The following TSGA10 variants were observed in gnomAD, a reference collection of about 807,000 sequenced individuals.
TSGA10 encodes the protein testis specific 10.
Under a neutral mutation model 96.6 loss-of-function variants are expected in TSGA10, and 43 were observed. The observed-to-expected ratio is 0.44, with a 90% CI of 0.35 to 0.57. The LOEUF is 0.57. Ranked by LOEUF, TSGA10 falls within the 20% of genes least tolerant of loss-of-function variation. The probability of loss-of-function intolerance (pLI) is 0.01; values close to 1 mark genes in which losing one functional copy is unlikely to be tolerated. For synonymous variants in TSGA10, 229 were observed against 269.9 expected (o/e 0.85, Z 1.48); for missense variants, 703 against 834.4 (o/e 0.84, Z 1.94).
chr2:99,107,653 A>G (rs1250304177), intron 7 of TSGA10, among the ~76,000 whole-genome samples: 1 of 152,180 alleles, frequency 6.6e-6, no homozygotes, highest in Non-Finnish European at 1.5e-5. Context: ...ATATCAAAAG[A>G]GTATTTTAAA....
chr2:99,147,844 C>T (rs1341707219), intron 1 of TSGA10, among the ~76,000 whole-genome samples: 1 of 152,182 alleles, frequency 6.6e-6, no homozygotes, highest in East Asian at 1.9e-4. Context: ...GTTGCAGATA[C>T]AATTCTTCAC....
rs1574500544 is a variant in TSGA10, at chr2:99,117,557, A to G, written c.-153T>C. The stretch of plus-strand genomic sequence containing the variant: ...TAAATCTGGTACCTTGGCTTCTTCA[A>G]GTTCCTTGTTGGCGGAATCCACCAC... On this transcript the variant is annotated 5_prime_UTR_variant, in exon 4 of 21. Transcript: ENST00000393483. 2.0e-6 allele frequency: 2 copies of G among 985,876 alleles called. No homozygotes were observed. The highest frequency in any genetic ancestry group is 2.3e-4 in the East Asian group (2 of 8,814). The allele number at this position is 985,876 out of a possible 1,614,324, so 61.1% of individuals were successfully genotyped here.
rs1304475009 is a variant in TSGA10 at position 99,071,826 on chromosome 2, C to T, written c.987G>A (p.Met329Ile). Residue 329 changes from methionine to isoleucine, a missense_variant, in exon 14 of 21, where the codon ATG (methionine) becomes ATA (isoleucine). Transcript: ENST00000393483. ...LIVCEQDVSR[M>I]RRQLDETNDE... ...CATTTGTCTCATCCAATTGCCGACGCATTCTGGAAACGTCTTGTTCACACA... is the reference window on the plus strand; with the variant it reads ...CATTTGTCTCATCCAATTGCCGACGTATTCTGGAAACGTCTTGTTCACACA... The T allele has an allele frequency of 6.2e-7, 1 of 1,614,044 alleles. No individual in the cohort carries two copies. The highest frequency in any genetic ancestry group is 8.5e-7 in the Non-Finnish European group (1 of 1,179,924).
chr2:99,039,640 C>T (rs2082006739), intron 16 of TSGA10, among the ~76,000 whole-genome samples: 1 of 151,816 alleles, frequency 6.6e-6, no homozygotes, highest in African/African-American at 2.4e-5. Flanking sequence ...AAAAAACTGC[C>T]TGCCAATGAA....
At chr2:99,048,549 C>T (rs903260547) in intron 16 of TSGA10, among the ~76,000 whole-genome samples, 14 of 152,166 alleles carry the variant, frequency 9.2e-5, no homozygotes, top group Non-Finnish European at 2.1e-4. Context: ...TGAAACTGGA[C>T]CCCTTCCTTA....
At chr2:99,142,883 A>G (rs2093585884) in intron 1 of TSGA10, among the ~76,000 whole-genome samples, 1 of 152,152 alleles carries the variant, frequency 6.6e-6, no homozygotes, top group Admixed American at 6.5e-5. Flanking sequence ...AGGAAGTAGG[A>G]AAGTACTTCC....
intron 20 of TSGA10, among the ~76,000 whole-genome samples, chr2:98,999,283 C>A (rs1461027141): frequency 6.6e-6 from 1 of 152,180 alleles, no homozygotes; most frequent in South Asian, 2.1e-4. Flanking sequence ...GTGACAACTA[C>A]TAATACATGC....
At chr2:99,096,211 T>A (rs2090017084) in intron 10 of TSGA10, among the ~76,000 whole-genome samples, 1 of 152,248 alleles carries the variant, frequency 6.6e-6, no homozygotes, top group Admixed American at 6.5e-5. Flanking sequence ...TGTTTTATTC[T>A]TTATAAAAAG....
intron 4 of TSGA10, among the ~76,000 whole-genome samples, chr2:99,114,612 T>C (rs1226604220): frequency 6.6e-6 from 1 of 152,162 alleles, no homozygotes; most frequent in Non-Finnish European, 1.5e-5. Context: ...TTTCTAGAAA[T>C]ACTCTTTGCC....
intron 17 of TSGA10, among the ~76,000 whole-genome samples, chr2:99,022,994 C>A (rs1223005523): frequency 6.6e-6 from 1 of 151,952 alleles, no homozygotes; most frequent in Admixed American, 6.6e-5. Context: ...CTATTAATAT[C>A]CTTTGCCTAA....
At chr2:99,119,284 T>G (rs2092448567) in intron 2 of TSGA10, among the ~76,000 whole-genome samples, 1 of 152,214 alleles carries the variant, frequency 6.6e-6, no homozygotes, top group Non-Finnish European at 1.5e-5. Context: ...ATTATTTTAA[T>G]CCAGTGTCTC....
chr2:99,140,433 A>C (rs1161778810), intron 1 of TSGA10, among the ~76,000 whole-genome samples: 2 of 152,156 alleles, frequency 1.3e-5, no homozygotes, highest in African/African-American at 4.8e-5. Context: ...GAATGGAAGA[A>C]GGAAAACGTT....
intron 16 of TSGA10, among the ~76,000 whole-genome samples, chr2:99,041,523 A>T (rs2082178920): frequency 6.6e-6 from 1 of 152,226 alleles, no homozygotes; most frequent in African/African-American, 2.4e-5. Flanking sequence ...ACAGAAATAA[A>T]GCCAAAACGT....
rs529686400 is a variant in TSGA10 at position 99,102,611 on chromosome 2, T to C, written c.611+1356A>G. 4 of 1,614,208 alleles carry C rather than the reference T, an allele frequency of 2.5e-6. No individual in the cohort carries two copies. The South Asian group carries it at 3.3e-5, about 13-fold the overall frequency. ...AACTTGCTGTACATGCTCAGTTTAT[T>C]ACAACTACTTTTAGGCCTGAACTGC... On this transcript the variant is annotated intron_variant, in intron 10 of 20. Coordinates refer to ENST00000393483, the MANE Select transcript of TSGA10 (RefSeq NM_025244.4).
intron 16 of TSGA10, among the ~76,000 whole-genome samples, chr2:99,064,169 A>G (rs768166931): frequency 1.3e-5 from 2 of 152,212 alleles, no homozygotes; most frequent in Non-Finnish European, 2.9e-5. Flanking sequence ...GCATAAATAT[A>G]GGGAAACATG....
chr2:99,068,530 C>A (rs989281666), intron 15 of TSGA10, among the ~76,000 whole-genome samples: 1 of 152,088 alleles, frequency 6.6e-6, no homozygotes, highest in African/African-American at 2.4e-5. Context: ...ACAGGGTAAC[C>A]AATTCTGATC....
At chr2:99,127,766 A>G (rs116492091) in intron 1 of TSGA10, among the ~76,000 whole-genome samples, 81 of 152,346 alleles carry the variant, frequency 5.3e-4, no homozygotes, top group Non-Finnish European at 8.7e-4. Context: ...ACATGGATAT[A>G]GCGTCCTTAC....
In TSGA10 at chr2:98,997,891, C is replaced by T. The variant is rs974740973; in HGVS notation, c.*306G>A. The T allele has an allele frequency of 7.6e-6, 2 of 262,374 alleles. No homozygotes were observed. Among genetic ancestry groups the T allele is most frequent in the East Asian group, 1.4e-4 (2 of 14,532 alleles). 16.3% of individuals were successfully genotyped at this position (262,374 alleles called of 1,614,324 possible). ...AAGCAGTTTTGTAAAAACACTTTTC[C>T]CTGTTTTAATAAGCTTCTTTATTTA... On this transcript the variant is annotated 3_prime_UTR_variant, in exon 21 of 21. Transcript: ENST00000393483.
intron 1 of TSGA10, among the ~76,000 whole-genome samples, chr2:99,144,928 G>A (rs188674540): frequency 7.9e-5 from 12 of 152,280 alleles, no homozygotes; most frequent in Admixed American, 2.6e-4. Context: ...AAAGAGACAG[G>A]AGAGAGTGCT....
Sources: allele counts gnomAD v4.1 joint callset (sites outside exome capture counted in the v4.1 genomes callset), GRCh38; gene constraint gnomAD v4.1.1; transcripts MANE v1.5; gene names NCBI Gene and HGNC (gene_info 2026-07-23, HGNC 2026-07-21).